The following RBFOX1 variants were observed in gnomAD, a reference collection of about 807,000 sequenced individuals.
RBFOX1 encodes the protein RNA binding fox-1 homolog 1.
RBFOX1 carries 8 observed loss-of-function variants against 57.7 expected under a neutral mutation model. The observed-to-expected ratio is 0.14, with a 90% confidence interval of 0.08 to 0.25. The LOEUF (loss-of-function observed/expected upper bound fraction) is 0.25, where lower values mean the gene tolerates loss of function less well. Ranked by LOEUF, RBFOX1 falls within the 10% of genes least tolerant of loss-of-function variation. RBFOX1 has a pLI of 1.00. For missense variants in RBFOX1, 611 were observed against 548.5 expected (o/e 1.11, Z -1.14); for synonymous variants, 326 against 222.4 (o/e 1.47, Z -4.15).
At chr16:7,017,485 A>T (rs1263835560) in intron 3 of RBFOX1, among the ~76,000 whole-genome samples, 1 of 152,182 alleles carries the variant, frequency 6.6e-6, no homozygotes, top group Non-Finnish European at 1.5e-5. Context: ...ATGCTTGTAA[A>T]ATATAGCCAG....
At chr16:6,724,450 C>T (rs1440848805) in intron 3 of RBFOX1, among the ~76,000 whole-genome samples, 6 of 152,084 alleles carry the variant, frequency 3.9e-5, no homozygotes, top group Admixed American at 2.6e-4. Flanking sequence ...TCAGGTGATC[C>T]ACCCACCTCG....
intron 4 of RBFOX1, among the ~76,000 whole-genome samples, chr16:7,501,704 G>C (rs732207): frequency 6.6e-6 from 1 of 152,088 alleles, no homozygotes; most frequent in Non-Finnish European, 1.5e-5. Flanking sequence ...TTGTCAGTCT[G>C]TATCCTACCA....
intron 3 of RBFOX1, among the ~76,000 whole-genome samples, chr16:5,661,019 G>T (rs1169084978): frequency 6.6e-6 from 1 of 152,156 alleles, no homozygotes; most frequent in East Asian, 1.9e-4. Flanking sequence ...TTGCTGTGCT[G>T]GGGCTGGGAG....
At chr16:7,194,826 G>T (rs1602560933) in intron 4 of RBFOX1, among the ~76,000 whole-genome samples, 1 of 151,718 alleles carries the variant, frequency 6.6e-6, no homozygotes, top group South Asian at 2.1e-4. Flanking sequence ...CACTAGGGAG[G>T]CTGAGGTGGG....
chr16:7,361,938 GTGTGTGCATGTTT>G (rs1316782374), intron 4 of RBFOX1, among the ~76,000 whole-genome samples: 1 of 150,922 alleles, frequency 6.6e-6, no homozygotes, highest in Non-Finnish European at 1.5e-5. Context: ...TAGTGTGTAT[GTGTGTGCATGTTT>G]TGTGTGTATG....
In RBFOX1 at chr16:6,844,785, T is replaced by C. The variant is rs377562025; in HGVS notation, c.-16+190135T>C. Among the ~76,000 whole-genome samples the C allele has an allele frequency of 2.6e-5, 4 of 152,326 alleles. 1 individual carries two copies. The South Asian group carries it at 6.2e-4, about 24-fold the overall frequency. On this transcript the variant is annotated intron_variant, in intron 3 of 15. Coordinates refer to ENST00000550418, the MANE Select transcript of RBFOX1 (RefSeq NM_018723.4). Reference sequence around the variant, plus strand: ...AGACCATCTTCTGCAATGGTTGAACTAATTTACACTGCCTCCAACAGTGTA... The same window carrying C: ...AGACCATCTTCTGCAATGGTTGAACCAATTTACACTGCCTCCAACAGTGTA...
At chr16:5,726,513 G>T (rs2052158119) in intron 3 of RBFOX1, among the ~76,000 whole-genome samples, 1 of 152,106 alleles carries the variant, frequency 6.6e-6, no homozygotes, top group South Asian at 2.1e-4. Flanking sequence ...AGAATTGCTG[G>T]GCCAGCCCCA....
intron 3 of RBFOX1, among the ~76,000 whole-genome samples, chr16:6,970,201 CAAA>C (rs1279447790): frequency 2.0e-5 from 3 of 151,586 alleles, no homozygotes; most frequent in Non-Finnish European, 2.9e-5. Context: ...AAGAAAGAAA[CAAA>C]AAACCCCAAA....
intron 4 of RBFOX1, among the ~76,000 whole-genome samples, chr16:5,903,475 T>C (rs1328470458): frequency 6.6e-6 from 1 of 152,178 alleles, no homozygotes; most frequent in Non-Finnish European, 1.5e-5. Context: ...TGTGCTCCTC[T>C]TTCTCATCTG....
chr16:6,648,788 A>G (rs2345611), intron 2 of RBFOX1, among the ~76,000 whole-genome samples: 6,813 of 152,272 alleles, frequency 0.045, 432 homozygotes, highest in Admixed American at 0.15. Context: ...GGCATTTTCT[A>G]CAGAAAATAC....
chr16:5,437,442 A>G (rs1443585506), intron 1 of RBFOX1, among the ~76,000 whole-genome samples: 1 of 152,238 alleles, frequency 6.6e-6, no homozygotes, highest in Non-Finnish European at 1.5e-5. Context: ...CATCCTAAGT[A>G]TCGTAAAAAC....
chr16:6,058,829 TATTTATCC>T (rs57064609), intron 1 of RBFOX1, among the ~76,000 whole-genome samples: 28,293 of 125,498 alleles, frequency 0.23, 3,004 homozygotes, highest in East Asian at 0.28. Context: ...CCCACTCATT[TATTTATCC>T]ATCCATCCAT....
chr16:5,773,491 C>T (rs946049385), intron 3 of RBFOX1, among the ~76,000 whole-genome samples: 2 of 152,186 alleles, frequency 1.3e-5, no homozygotes, highest in Admixed American at 6.5e-5. Context: ...CTAACAGTTG[C>T]ATAATTTTTC....
intron 4 of RBFOX1, among the ~76,000 whole-genome samples, chr16:7,289,127 T>C (rs920757756): frequency 1.3e-5 from 2 of 152,260 alleles, no homozygotes; most frequent in South Asian, 2.1e-4. Flanking sequence ...AGAGCCTCCT[T>C]AGAGATGTCT....
In RBFOX1 at chr16:6,687,679, T is replaced by C. The variant is rs144427608; in HGVS notation, c.-16+33029T>C. On this transcript the variant is annotated intron_variant, in intron 3 of 15. Coordinates refer to ENST00000550418, the MANE Select transcript of RBFOX1 (RefSeq NM_018723.4). Reference sequence around the variant, plus strand: ...CTGCTCCTGTTTCATCTAGCTGTATTTATGTCCTGTATGGTTTTTCAAAGT... The same window carrying C: ...CTGCTCCTGTTTCATCTAGCTGTATCTATGTCCTGTATGGTTTTTCAAAGT... Among the ~76,000 whole-genome samples the C allele has an allele frequency of 4.9e-3, 739 of 152,258 alleles. 3 individuals carry two copies. The highest frequency in any genetic ancestry group is 7.0e-3 in the Non-Finnish European group (478 of 68,016).
rs543849791 is a variant in RBFOX1 at position 6,487,507 on chromosome 16, T to C, written c.-63-167096T>C. Among the ~76,000 whole-genome samples, 39 of 151,338 alleles carry C rather than the reference T, an allele frequency of 2.6e-4. 1 individual carries two copies. Among genetic ancestry groups the C allele is most frequent in the African/African-American group, 9.5e-4 (39 of 41,202 alleles). On this transcript the variant is annotated intron_variant, in intron 2 of 15. Coordinates refer to ENST00000550418, the MANE Select transcript of RBFOX1 (RefSeq NM_018723.4). Reference sequence around the variant, plus strand: ...GCAAGTTCTCCTGAAATTATTTTGGTTGGGTTTAAAAGAAAAGAGCTGTGG... The same window carrying C: ...GCAAGTTCTCCTGAAATTATTTTGGCTGGGTTTAAAAGAAAAGAGCTGTGG...
chr16:6,420,762 G>T (rs932630277), intron 2 of RBFOX1, among the ~76,000 whole-genome samples: 1 of 152,192 alleles, frequency 6.6e-6, no homozygotes, highest in Admixed American at 6.5e-5. Flanking sequence ...AGAGACCAGA[G>T]AAACGATTCT....
intron 3 of RBFOX1, among the ~76,000 whole-genome samples, chr16:6,943,758 G>C (rs959847039): frequency 6.6e-6 from 1 of 151,410 alleles, no homozygotes; most frequent in South Asian, 2.1e-4. Context: ...CTGAGTCTTG[G>C]CCAATCCCAG....
chr16:5,424,948 C>CT (rs1567490237), intron 1 of RBFOX1, among the ~76,000 whole-genome samples: 1 of 65,078 alleles, frequency 1.5e-5, no homozygotes, highest in Non-Finnish European at 3.0e-5. Context: ...TCTCTTCTTT[C>CT]TTCCTTTGTT....
Sources: gnomAD v4.1 joint callset for allele counts (sites outside exome capture counted in the v4.1 genomes callset) on GRCh38, gnomAD v4.1.1 for gene constraint, MANE v1.5 for transcripts, NCBI Gene and HGNC (gene_info 2026-07-23, HGNC 2026-07-21) for gene names.